USP6NL: variants seen among roughly 807,000 people sequenced by gnomAD.
The protein encoded by USP6NL is USP6 N-terminal like.
In USP6NL, 26 loss-of-function variants were observed where a neutral mutation model predicts 61.9. That is an observed-to-expected ratio of 0.42 (90% confidence interval 0.31 to 0.58). The LOEUF (loss-of-function observed/expected upper bound fraction) is 0.58, where lower values mean the gene tolerates loss of function less well. USP6NL is among the 20% of genes least tolerant of loss of function. USP6NL has a pLI of 0.16. For missense variants in USP6NL, 1,114 were observed against 1,034.3 expected, an observed-to-expected ratio of 1.08 and a Z score of -1.06; for synonymous variants, 432 against 390.1, an observed-to-expected ratio of 1.11 and a Z score of -1.27.
In USP6NL at chr10:11,532,304, C is replaced by T. The variant is rs750494660; in HGVS notation, c.5-4737G>A. 8.4e-6 allele frequency: 11 copies of T among 1,306,064 alleles called. No individual in the cohort carries two copies. The highest frequency in any genetic ancestry group is 7.7e-5 in the East Asian group (3 of 39,114). The allele number at this position is 1,306,064 out of a possible 1,614,324, so 80.9% of individuals were successfully genotyped here. A position where few individuals can be genotyped will look rare whatever the true frequency, so the allele number is the denominator to read the frequency against. ...CGAACACACCAAGAGTGCTGCCCGGCGGTACCTCACACATTCTGCAACTAA... is the reference window on the plus strand; with the variant it reads ...CGAACACACCAAGAGTGCTGCCCGGTGGTACCTCACACATTCTGCAACTAA... On this transcript the variant is annotated intron_variant, in intron 2 of 14. Coordinates refer to ENST00000609104, the MANE Select transcript of USP6NL (RefSeq NM_014688.5). This position sits in a 1 kb window ranked among gnomAD's most constrained non-coding sequence, Gnocchi z 4.1.
At chr10:11,577,909 G>T (rs1412157090) in intron 2 of USP6NL, among the ~76,000 whole-genome samples, 1 of 151,630 alleles carries the variant, frequency 6.6e-6, no homozygotes, top group African/African-American at 2.4e-5. Flanking sequence ...AATTCTTCTG[G>T]TTTTCTCTAC....
In USP6NL at chr10:11,513,144, T is replaced by C. The variant is rs149928476; in HGVS notation, c.196-3469A>G. On this transcript the variant is annotated intron_variant, in intron 5 of 14. Transcript: ENST00000609104. The surrounding 1 kb of genome is among the most constrained non-coding windows in gnomAD (Gnocchi z 4.7). ...AAACATTTAAAAATTAAACAGAATTTACATAAGAAAAAACAACTGAACCCT... is the reference window on the plus strand; with the variant it reads ...AAACATTTAAAAATTAAACAGAATTCACATAAGAAAAAACAACTGAACCCT... Among the ~76,000 whole-genome samples, 1,461 of 152,290 alleles carry C rather than the reference T, an allele frequency of 9.6e-3. 22 individuals carry two copies. The highest frequency in any genetic ancestry group is 0.044 in the South Asian group (213 of 4,834).
rs1226389956 is a variant in USP6NL at position 11,482,537 on chromosome 10, A to G, written c.926-615T>C. 6.6e-6 allele frequency among the ~76,000 whole-genome samples: 1 copy of G among 152,254 alleles called. No individual in the cohort carries two copies. Among genetic ancestry groups the G allele is most frequent in the East Asian group, 1.9e-4 (1 of 5,200 alleles). ...TCCAGGTATTTACAAGTGTTTATGT[A>G]TATCAATTGAAGAATCCAAATTATA... On this transcript the variant is annotated intron_variant, in intron 13 of 14. Transcript: ENST00000609104. This position sits in a 1 kb window ranked among gnomAD's most constrained non-coding sequence, Gnocchi z 4.0.
In USP6NL at chr10:11,525,386, T is replaced by C; in HGVS notation, c.155A>G (p.His52Arg). The C allele has an allele frequency of 6.3e-7, 1 of 1,597,474 alleles. No individual in the cohort carries two copies. The highest frequency in any genetic ancestry group is 2.3e-5 in the East Asian group (1 of 43,940). The change falls in exon 4 of 15, where the codon CAT becomes CGT. Residue 52 changes from histidine (H) to arginine (R), a missense_variant and splice_region_variant. Transcript: ENST00000609104. The surrounding 1 kb of genome is among the most constrained non-coding windows in gnomAD (Gnocchi z 5.0). ...YKVTDRFGFL[H>R]EEELPDHNVA... Reference sequence around the variant, plus strand: ...CAAGCTTTCAATCTATGTGACTTACTGTAAAAAGCCAAATCTATCTGTGAC... The same window carrying C: ...CAAGCTTTCAATCTATGTGACTTACCGTAAAAAGCCAAATCTATCTGTGAC...
At chr10:11,569,779 GT>G (rs1837293824) in intron 2 of USP6NL, among the ~76,000 whole-genome samples, 1 of 152,184 alleles carries the variant, frequency 6.6e-6, no homozygotes, top group Non-Finnish European at 1.5e-5. Context: ...TGAATTCTAG[GT>G]TTTATGGCAA....
chr10:11,597,639 G>A lies in USP6NL; in HGVS notation c.-5C>T. 1 of 1,551,476 alleles carries A rather than the reference G, an allele frequency of 6.4e-7. No individual in the cohort carries two copies. Among genetic ancestry groups the A allele is most frequent in the Non-Finnish European group, 8.7e-7 (1 of 1,146,826 alleles). On this transcript the variant is annotated 5_prime_UTR_variant, in exon 2 of 15. The change creates a premature stop within an existing upstream ORF in the 5' untranslated region. Transcript: ENST00000609104. The surrounding 1 kb of genome is among the most constrained non-coding windows in gnomAD (Gnocchi z 4.6). Reference sequence around the variant, plus strand: ...GGAAGCAGCGCACTTACTCATGACTGGAAATGGGTCTGAATGTTGTCCCAA... The same window carrying A: ...GGAAGCAGCGCACTTACTCATGACTAGAAATGGGTCTGAATGTTGTCCCAA...
chr10:11,527,652 C>A, intron 2 of USP6NL, 85 bp from the exon 3 acceptor site: 8 of 1,217,834 alleles, frequency 6.6e-6, no homozygotes, highest in South Asian at 5.8e-5. Context: ...CATAATAAAA[C>A]AAAAAATAAA....
At chr10:11,505,221 G>A (rs1318287429) in intron 6 of USP6NL, among the ~76,000 whole-genome samples, 3 of 152,164 alleles carry the variant, frequency 2.0e-5, no homozygotes, top group East Asian at 1.9e-4. Context: ...AGGGAAAAGT[G>A]GGGGTGGGAG....
intron 2 of USP6NL, among the ~76,000 whole-genome samples, chr10:11,555,104 TTTTG>T (rs1566177637): frequency 2.1e-5 from 3 of 139,958 alleles, no homozygotes; most frequent in East Asian, 2.2e-4. Flanking sequence ...TTTTTTTTTT[TTTTG>T]GTTTTTTTTT....
At position 11,490,721 on chromosome 10, in the gene USP6NL, C is replaced by A. The variant is rs1248942877; in HGVS notation, c.543+111G>T. 1.0e-5 allele frequency: 11 copies of A among 1,054,316 alleles called. No individual in the cohort carries two copies. Among genetic ancestry groups the A allele is most frequent in the Non-Finnish European group, 1.2e-5 (9 of 723,406 alleles). The allele number at this position is 1,054,316 out of a possible 1,614,324, so 65.3% of individuals were successfully genotyped here. On this transcript the variant is annotated intron_variant, in intron 9 of 14. Transcript: ENST00000609104. This position sits in a 1 kb window ranked among gnomAD's most constrained non-coding sequence, Gnocchi z 4.5. Reference sequence around the variant, plus strand: ...AAAAGATCCACAGAGCTAAAGAGACCATGGAGACCACCTAGCTCTGAGATG... The same window carrying A: ...AAAAGATCCACAGAGCTAAAGAGACAATGGAGACCACCTAGCTCTGAGATG...
At chr10:11,514,561 A>G (rs76918611) in intron 5 of USP6NL, among the ~76,000 whole-genome samples, 256 of 152,178 alleles carry the variant, frequency 1.7e-3, no homozygotes, top group Non-Finnish European at 2.9e-3. Flanking sequence ...TCTGAGTGGC[A>G]ATGTCTCCCC....
chr10:11,588,777 A>C lies in USP6NL; in HGVS notation c.4+8854T>G, dbSNP rs1489708548. On this transcript the variant is annotated intron_variant, in intron 2 of 14. Transcript: ENST00000609104. ...TGTCAGGGAAAAGAGTAATAACTCCATTTTTATAATACAAATCAAACATTT... is the reference window on the plus strand; with the variant it reads ...TGTCAGGGAAAAGAGTAATAACTCCCTTTTTATAATACAAATCAAACATTT... 1.1e-4 allele frequency among the ~76,000 whole-genome samples: 17 copies of C among 151,396 alleles called. 1 individual carries two copies. The highest frequency in any genetic ancestry group is 9.2e-4 in the Admixed American group (14 of 15,236).
Position 11,462,836 on chromosome 10 carries a change from T to C in USP6NL, c.2092A>G (p.Ile698Val), listed in dbSNP as rs765322604. 4.3e-6 allele frequency: 7 copies of C among 1,613,986 alleles called. No individual in the cohort carries two copies. Among genetic ancestry groups the C allele is most frequent in the Non-Finnish European group, 5.9e-6 (7 of 1,179,896 alleles). ...CCAGTGTCAACAGGGAGGACTTCTA[T>C]TCGACTAGACGGCAGTACAAGGGGG... ...PSPLVLPSSR[I>V]EVLPVDTGAG... The change falls in exon 15 of 15, where the codon ATA becomes GTA. Residue 698 changes from isoleucine (I) to valine (V), a missense_variant. Physicochemically the swap from Ile to Val is conservative, Grantham distance 29. Transcript: ENST00000609104.
In USP6NL at chr10:11,548,802, T is replaced by A. The variant is rs58111124; in HGVS notation, c.5-21235A>T. Among the ~76,000 whole-genome samples the A allele has an allele frequency of 0.12, 18,424 of 152,168 alleles. 1,726 individuals are homozygous for A. Among genetic ancestry groups the A allele is most frequent in the East Asian group, 0.45 (2,322 of 5,162 alleles). On this transcript the variant is annotated intron_variant, in intron 2 of 14. Transcript: ENST00000609104. This position sits in a 1 kb window ranked among gnomAD's most constrained non-coding sequence, Gnocchi z 4.3. ...CTATGGTAGGATCATAGAAGACATG[T>A]ATACCTTTCTAACACTCAAATAAAA...
In USP6NL at chr10:11,510,240, G is replaced by A. The variant is rs1261195674; in HGVS notation, c.196-565C>T. On this transcript the variant is annotated intron_variant, in intron 5 of 14. Transcript: ENST00000609104. The surrounding 1 kb of genome is among the most constrained non-coding windows in gnomAD (Gnocchi z 4.8). ...GGACAATGGACAAGGAACACACTGC[G>A]TTGTGGCAGGCACTGGCACAGGCAG... is the stretch of plus-strand genomic sequence containing the variant. Among the ~76,000 whole-genome samples the A allele has an allele frequency of 5.3e-5, 8 of 152,174 alleles. No individual in the cohort carries two copies. Among genetic ancestry groups the A allele is most frequent in the East Asian group, 3.8e-4 (2 of 5,200 alleles).
intron 2 of USP6NL, among the ~76,000 whole-genome samples, chr10:11,570,925 T>A (rs531604267): frequency 6.6e-6 from 1 of 152,296 alleles, no homozygotes; most frequent in African/African-American, 2.4e-5. Context: ...TTGTCTTAAC[T>A]CTGCCCATGA....
intron 2 of USP6NL, among the ~76,000 whole-genome samples, chr10:11,555,433 A>AATATATATATATATATATATATATAT (rs1157927483): frequency 2.0e-5 from 1 of 49,030 alleles, no homozygotes; most frequent in African/African-American, 9.4e-5. Flanking sequence ...AAAAAAAAAA[A>AATATATATATATATATATATATATAT]ATATATATAT....
At position 11,485,102 on chromosome 10, in the gene USP6NL, G is replaced by A. The variant is rs1260240265; in HGVS notation, c.826-32C>T. On this transcript the variant is annotated intron_variant, in intron 12 of 14. Transcript: ENST00000609104. This position sits in a 1 kb window ranked among gnomAD's most constrained non-coding sequence, Gnocchi z 4.8. ...TTAAAAGCAAAACAAAACAAAAATA[G>A]GGTTAACAGCTTCCCCTCACCTTGT... The A allele has an allele frequency of 6.5e-7, 1 of 1,536,242 alleles. No homozygotes were observed. The highest frequency in any genetic ancestry group is 2.5e-5 in the East Asian group (1 of 40,782).
intron 2 of USP6NL, among the ~76,000 whole-genome samples, chr10:11,579,351 C>A (rs1379660604): frequency 2.0e-5 from 3 of 152,208 alleles, no homozygotes; most frequent in Non-Finnish European, 2.9e-5. Flanking sequence ...TCCATTTGCA[C>A]ACAGATAAGT....
Sources: allele counts gnomAD v4.1 joint callset (sites outside exome capture counted in the v4.1 genomes callset), GRCh38; gene constraint gnomAD v4.1.1; non-coding constraint Gnocchi (gnomAD v3.1); transcripts MANE v1.5; gene names NCBI Gene and HGNC (gene_info 2026-07-23, HGNC 2026-07-21).